C2CD5: variants seen among roughly 807,000 people sequenced by gnomAD.
The protein encoded by C2CD5 is C2 domain-containing protein 5.
C2CD5 carries 109 observed loss-of-function variants against 130.3 expected under a neutral mutation model. The ratio of observed to expected loss-of-function variants is 0.84; its 90% CI spans 0.72 to 0.98. The LOEUF is 0.98. C2CD5 is among the 50% of genes least tolerant of loss of function. C2CD5 has a pLI of 0.00. For missense variants in C2CD5, 996 were observed against 1,261.8 expected (o/e 0.79, Z 3.19); for synonymous variants, 454 against 429.2 (o/e 1.06, Z -0.71).
At chr12:22,471,909 C>A in intron 19 of C2CD5, 58 bp downstream of exon 19, 2 of 916,844 alleles carry the variant, frequency 2.2e-6, no homozygotes, top group Non-Finnish European at 3.7e-6. Context: ...GCAATATAGA[C>A]ACTTAAAATT....
At chr12:22,479,671 T>C (rs1306225711) in intron 14 of C2CD5, among the ~76,000 whole-genome samples, 2 of 152,140 alleles carry the variant, frequency 1.3e-5, no homozygotes, top group Non-Finnish European at 2.9e-5. Flanking sequence ...AAGTGTTTAT[T>C]AGATACAGAT....
At position 22,452,680 on chromosome 12, in the gene C2CD5, C is replaced by T. The variant is rs980987414; in HGVS notation, c.3024+1216G>A. Among the ~76,000 whole-genome samples the T allele has an allele frequency of 4.6e-5, 7 of 152,130 alleles. No individual in the cohort carries two copies. The East Asian group carries it at 5.8e-4, about 13-fold the overall frequency. On this transcript the variant is annotated intron_variant, in intron 26 of 26. Transcript: ENST00000446597. The stretch of plus-strand genomic sequence containing the variant: ...ATGAAGTTTAGTATACCGTGAGTTA[C>T]AAAAATGTATAAACTATCAAGAAAA...
intron 9 of C2CD5, among the ~76,000 whole-genome samples, chr12:22,509,314 C>T (rs1948932718): frequency 2.0e-5 from 3 of 152,052 alleles, no homozygotes; most frequent in Admixed American, 2.0e-4. Context: ...TAAGATTTTA[C>T]ATAAGTATGA....
intron 8 of C2CD5, among the ~76,000 whole-genome samples, chr12:22,514,170 A>G (rs1949481586): frequency 6.6e-6 from 1 of 152,162 alleles, no homozygotes; most frequent in Admixed American, 6.6e-5. Flanking sequence ...AGCAGGGGAC[A>G]GGTAAGAAGC....
At chr12:22,517,443 G>T (rs1949848833) in intron 8 of C2CD5, among the ~76,000 whole-genome samples, 1 of 151,750 alleles carries the variant, frequency 6.6e-6, no homozygotes, top group Non-Finnish European at 1.5e-5. Flanking sequence ...CAAATTTAAT[G>T]AACAGAAAAA....
In C2CD5 at chr12:22,524,601, C is replaced by A; in HGVS notation, c.472G>T (p.Ala158Ser). 6.2e-7 allele frequency: 1 copy of A among 1,613,214 alleles called. No individual in the cohort carries two copies. The highest frequency in any genetic ancestry group is 8.5e-7 in the Non-Finnish European group (1 of 1,179,330). ...CTTSIPKCYRAVIIHGFVEEL... is the reference protein window; with the variant it reads ...CTTSIPKCYRSVIIHGFVEEL... ...TCTACAAATCCATGAATTATCACAGCTCTATAGCATTTTGGAATAGACGTT... is the reference window on the plus strand; with the variant it reads ...TCTACAAATCCATGAATTATCACAGATCTATAGCATTTTGGAATAGACGTT... Residue 158 changes from alanine to serine, a missense_variant, in exon 6 of 27, where the codon GCT becomes TCT. Physicochemically the swap from Ala to Ser is moderately conservative, Grantham distance 99 (BLOSUM62 1). Coordinates refer to ENST00000446597, the MANE Select transcript of C2CD5 (RefSeq NM_001286176.2).
At chr12:22,456,849 T>A in intron 25 of C2CD5, 122 bp downstream of exon 25, 1 of 583,930 alleles carries the variant, frequency 1.7e-6, no homozygotes, top group Non-Finnish European at 3.0e-6. Context: ...TCAATCCAGA[T>A]AATTAAAATA....
Position 22,525,599 on chromosome 12 carries a change from T to C in C2CD5, c.445+11A>G, listed in dbSNP as rs751850787. On this transcript the variant is annotated intron_variant, in intron 5 of 26. Transcript: ENST00000446597. ...ACATTTCCTGTTGAGTAATAGAATG[T>C]ATTTACTTACTGCAAAAGAATTTGA... 5.8e-6 allele frequency: 7 copies of C among 1,199,132 alleles called. No individual in the cohort carries two copies. Among genetic ancestry groups the C allele is most frequent in the Non-Finnish European group, 8.7e-6 (7 of 803,238 alleles). 74.3% of individuals were successfully genotyped at this position (1,199,132 alleles called of 1,614,324 possible).
intron 12 of C2CD5, 23 bp from the exon 13 acceptor site, chr12:22,484,911 A>T: frequency 8.2e-7 from 1 of 1,212,872 alleles, no homozygotes; most frequent in Non-Finnish European, 1.1e-6. Flanking sequence ...ATAAAAAAAT[A>T]AGATATTCTT....
At chr12:22,481,181 A>G (rs1417536366) in intron 14 of C2CD5, among the ~76,000 whole-genome samples, 1 of 152,132 alleles carries the variant, frequency 6.6e-6, no homozygotes, top group African/African-American at 2.4e-5. Context: ...TGTAATACCT[A>G]ATTAGTTTAT....
At chr12:22,479,050 A>G (rs975442968) in intron 14 of C2CD5, among the ~76,000 whole-genome samples, 1 of 151,928 alleles carries the variant, frequency 6.6e-6, no homozygotes, top group Non-Finnish European at 1.5e-5. Flanking sequence ...TGCATACCCA[A>G]TTATATTTTT....
At chr12:22,489,818 G>T (rs1267263741) in intron 12 of C2CD5, among the ~76,000 whole-genome samples, 1 of 151,872 alleles carries the variant, frequency 6.6e-6, no homozygotes, top group African/African-American at 2.4e-5. Flanking sequence ...GGAAGAGAAA[G>T]ATCCAAAGAT....
chr12:22,508,176 T>C (rs1395243220), intron 9 of C2CD5, among the ~76,000 whole-genome samples: 1 of 152,096 alleles, frequency 6.6e-6, no homozygotes, highest in Non-Finnish European at 1.5e-5. Flanking sequence ...CAGTAACCCA[T>C]GAAGGTTGAG....
chr12:22,507,562 C>T (rs1477225938), intron 9 of C2CD5, among the ~76,000 whole-genome samples: 1 of 151,992 alleles, frequency 6.6e-6, no homozygotes, highest in East Asian at 1.9e-4. Flanking sequence ...AAGAGAAACA[C>T]AAAAAAGACA....
intron 9 of C2CD5, 110 bp from the exon 10 acceptor site, chr12:22,506,929 G>T (rs568927652): frequency 1.5e-6 from 1 of 684,590 alleles, no homozygotes. Context: ...GAAATAAAAG[G>T]CCACCCATTA....
chr12:22,542,681 G>A (rs1952507761), intron 2 of C2CD5, among the ~76,000 whole-genome samples: 1 of 152,136 alleles, frequency 6.6e-6, no homozygotes, highest in Non-Finnish European at 1.5e-5. Flanking sequence ...CATCACTTTG[G>A]TGAGGCCGTA....
chr12:22,458,740 G>C, intron 23 of C2CD5, 155 bp from the exon 24 acceptor site: 1 of 372,492 alleles, frequency 2.7e-6, no homozygotes, highest in South Asian at 1.4e-4. Context: ...ATAGTAAAGA[G>C]TCAAGCTTTA....
intron 24 of C2CD5, 58 bp from the exon 25 acceptor site, chr12:22,457,219 C>A: frequency 8.3e-7 from 1 of 1,206,198 alleles, no homozygotes; most frequent in South Asian, 1.6e-5. Context: ...CACAATTATT[C>A]CCTGAGGTTT....
At chr12:22,457,380 G>A (rs1002237896) in intron 24 of C2CD5, among the ~76,000 whole-genome samples, 1 of 152,152 alleles carries the variant, frequency 6.6e-6, no homozygotes, top group South Asian at 2.1e-4. Flanking sequence ...AAGAAAAATG[G>A]CATTCCTGCA....
Sources: allele counts gnomAD v4.1 joint callset (sites outside exome capture counted in the v4.1 genomes callset), GRCh38; gene constraint gnomAD v4.1.1; transcripts MANE v1.5; gene names NCBI Gene and HGNC (gene_info 2026-07-23, HGNC 2026-07-21).